CHSY3: variants seen among roughly 807,000 people sequenced by gnomAD.
CHSY3 encodes the protein chondroitin sulfate synthase 3.
Under a neutral mutation model 67.2 loss-of-function variants are expected in CHSY3, and 35 were observed. That is an observed-to-expected ratio of 0.52 (90% CI 0.40 to 0.69). The LOEUF is 0.69. CHSY3 is among the 30% of genes least tolerant of loss of function. The pLI is 0.00. For missense variants in CHSY3, 1,069 were observed against 1,138.5 expected, an observed-to-expected ratio of 0.94 and a Z score of 0.88; for synonymous variants, 474 against 434.7, an observed-to-expected ratio of 1.09 and a Z score of -1.12.
At chr5:130,137,862 A>T (rs1183870521) in intron 2 of CHSY3, among the ~76,000 whole-genome samples, 2 of 152,206 alleles carry the variant, frequency 1.3e-5, no homozygotes, top group African/African-American at 4.8e-5. Context: ...TAAAGAGTCC[A>T]GAATGTTGCC....
chr5:129,916,752 G>A (rs1443539595), intron 2 of CHSY3, among the ~76,000 whole-genome samples: 2 of 152,168 alleles, frequency 1.3e-5, no homozygotes, highest in African/African-American at 2.4e-5. Flanking sequence ...TTTATCAGCA[G>A]TAAACAACAC....
chr5:130,143,810 G>GTATATATATATATATA (rs61284287), intron 2 of CHSY3, among the ~76,000 whole-genome samples: 1 of 56,490 alleles, frequency 1.8e-5, no homozygotes, highest in Non-Finnish European at 3.1e-5. Context: ...ATATATGTGT[G>GTATATATATATATATA]TATATATATA....
intron 2 of CHSY3, among the ~76,000 whole-genome samples, chr5:129,947,707 A>G (rs1761901507): frequency 6.6e-6 from 1 of 151,728 alleles, no homozygotes; most frequent in Non-Finnish European, 1.5e-5. Flanking sequence ...TGTTTTCTAT[A>G]TTGGCTGTAC....
chr5:130,110,920 T>G (rs1236191277), intron 2 of CHSY3, among the ~76,000 whole-genome samples: 1 of 151,782 alleles, frequency 6.6e-6, no homozygotes, highest in African/African-American at 2.4e-5. Flanking sequence ...CTGTGAATTT[T>G]TAATAATTTA....
chr5:130,091,489 T>G (rs999073423), intron 2 of CHSY3, among the ~76,000 whole-genome samples: 4 of 152,150 alleles, frequency 2.6e-5, no homozygotes, highest in Non-Finnish European at 4.4e-5. Context: ...TATGGATAGC[T>G]TAAATGTTGG....
chr5:129,966,586 G>A lies in CHSY3; in HGVS notation c.1086+58226G>A, dbSNP rs186829545. ...CTTTATTTGTGTCTCATAACATCTC[G>A]GAGGTATGAAAATTGAAAGATTCCC... is the stretch of plus-strand genomic sequence containing the variant. On this transcript the variant is annotated intron_variant, in intron 2 of 2. Coordinates refer to ENST00000305031, the MANE Select transcript of CHSY3 (RefSeq NM_175856.5). Among the ~76,000 whole-genome samples, 376 of 151,662 alleles carry A rather than the reference G, an allele frequency of 2.5e-3. 4 individuals carry two copies. Among genetic ancestry groups the A allele is most frequent in the Non-Finnish European group, 4.1e-3 (280 of 67,790 alleles).
intron 2 of CHSY3, among the ~76,000 whole-genome samples, chr5:130,039,198 A>T (rs552686148): frequency 2.0e-5 from 3 of 152,108 alleles, no homozygotes; most frequent in Non-Finnish European, 4.4e-5. Flanking sequence ...TAGAGATTCC[A>T]GGAACAGGAT....
intron 2 of CHSY3, among the ~76,000 whole-genome samples, chr5:130,139,080 A>G (rs740480): frequency 0.045 from 6,885 of 152,298 alleles, 427 homozygotes; most frequent in East Asian, 0.27. Context: ...AGGCAACAGT[A>G]AGACAATGGA....
chr5:129,904,682 C>T lies in CHSY3; in HGVS notation c.-148C>T. On this transcript the variant is annotated 5_prime_UTR_variant, in exon 1 of 3. Coordinates refer to ENST00000305031, the MANE Select transcript of CHSY3 (RefSeq NM_175856.5). ...CGCGGCAGTCGAGGCGTCCGCGGCGCTTCGACCTCCAGCCGGTGTCGGCGC... is the reference window on the plus strand; with the variant it reads ...CGCGGCAGTCGAGGCGTCCGCGGCGTTTCGACCTCCAGCCGGTGTCGGCGC... 1 of 1,185,382 alleles carries T rather than the reference C, an allele frequency of 8.4e-7. No homozygotes were observed. The highest frequency in any genetic ancestry group is 1.6e-5 in the African/African-American group (1 of 63,026). The allele number at this position is 1,185,382 out of a possible 1,614,324, so 73.4% of individuals were successfully genotyped here.
chr5:129,997,832 T>C (rs565949211), intron 2 of CHSY3, among the ~76,000 whole-genome samples: 28 of 152,322 alleles, frequency 1.8e-4, no homozygotes, highest in African/African-American at 6.5e-4. Flanking sequence ...GCAAAGGACA[T>C]GAACTTACCC....
chr5:130,137,727 C>G (rs1336713507), intron 2 of CHSY3, among the ~76,000 whole-genome samples: 1 of 152,052 alleles, frequency 6.6e-6, no homozygotes, highest in East Asian at 1.9e-4. Flanking sequence ...CTTAAATATT[C>G]CCTATGAAAA....
At chr5:129,976,380 C>T (rs1005465122) in intron 2 of CHSY3, among the ~76,000 whole-genome samples, 11 of 152,190 alleles carry the variant, frequency 7.2e-5, no homozygotes, top group Non-Finnish European at 1.2e-4. Context: ...TAAAAAGAAA[C>T]CAGTTAATAA....
chr5:130,143,756 A>ATATATATG lies in CHSY3; in HGVS notation c.1087-40472_1087-40471insATATATGT, dbSNP rs1433405052. 8.8e-5 allele frequency among the ~76,000 whole-genome samples: 9 copies of ATATATATG among 101,918 alleles called. 1 individual carries two copies. Among genetic ancestry groups the ATATATATG allele is most frequent in the African/African-American group, 3.3e-4 (7 of 20,982 alleles). The allele number at this position is 101,918 out of a possible 152,430, so 66.9% of individuals were successfully genotyped here. On this transcript the variant is annotated intron_variant, in intron 2 of 2. Coordinates refer to ENST00000305031, the MANE Select transcript of CHSY3 (RefSeq NM_175856.5). ...TGTGTATATATATATATATATATATATGTGTGTGTGTGTATATATATATAT... is the reference window on the plus strand; with the variant it reads ...TGTGTATATATATATATATATATATATATATATGTGTGTGTGTGTGTATATATATATAT...
At chr5:130,018,232 A>G (rs1345660312) in intron 2 of CHSY3, among the ~76,000 whole-genome samples, 1 of 152,172 alleles carries the variant, frequency 6.6e-6, no homozygotes, top group East Asian at 1.9e-4. Flanking sequence ...TATTTTTTAC[A>G]AATAAGATTT....
At chr5:130,165,232 C>T (rs1033599456) in intron 2 of CHSY3, among the ~76,000 whole-genome samples, 4 of 152,072 alleles carry the variant, frequency 2.6e-5, no homozygotes, top group Admixed American at 2.0e-4. Flanking sequence ...GTAGCTATTG[C>T]AGACAAAGTT....
Position 130,069,770 on chromosome 5 carries a change from G to A in CHSY3, c.1087-114459G>A, listed in dbSNP as rs74702361. On this transcript the variant is annotated intron_variant, in intron 2 of 2. Coordinates refer to ENST00000305031, the MANE Select transcript of CHSY3 (RefSeq NM_175856.5). ...ATTCATCTAATAGGTAGAAATCTCT[G>A]ATAACATGGAAAACAAAAGATATTT... 7.7e-3 allele frequency among the ~76,000 whole-genome samples: 1,168 copies of A among 151,934 alleles called. 10 individuals carry two copies. The highest frequency in any genetic ancestry group is 0.011 in the Non-Finnish European group (760 of 67,926).
intron 2 of CHSY3, among the ~76,000 whole-genome samples, chr5:130,134,303 G>T (rs776787987): frequency 6.6e-6 from 1 of 152,080 alleles, no homozygotes; most frequent in Non-Finnish European, 1.5e-5. Flanking sequence ...CATTTGAAAG[G>T]TCATACATTT....
intron 2 of CHSY3, among the ~76,000 whole-genome samples, chr5:130,170,144 C>T (rs942918998): frequency 6.6e-6 from 1 of 152,002 alleles, no homozygotes; most frequent in Non-Finnish European, 1.5e-5. Context: ...TCCACCTCCC[C>T]GATTTTGGAG....
chr5:130,163,049 C>T lies in CHSY3; in HGVS notation c.1087-21180C>T, dbSNP rs557263202. Reference sequence around the variant, plus strand: ...GATTTAATTCACTCATCATGCACTTCGTGATGCCCAGCCCTACCCCACCCA... The same window carrying T: ...GATTTAATTCACTCATCATGCACTTTGTGATGCCCAGCCCTACCCCACCCA... On this transcript the variant is annotated intron_variant, in intron 2 of 2. Transcript: ENST00000305031. Among the ~76,000 whole-genome samples the T allele has an allele frequency of 5.9e-5, 9 of 152,194 alleles. No individual in the cohort carries two copies. In the East Asian group the frequency reaches 1.7e-3, roughly 29 times the overall value.
Sources: allele counts gnomAD v4.1 joint callset (sites outside exome capture counted in the v4.1 genomes callset), GRCh38; gene constraint gnomAD v4.1.1; transcripts MANE v1.5; gene names NCBI Gene and HGNC (gene_info 2026-07-23, HGNC 2026-07-21).